Variants in ZCWPW2 observed in about 807,000 individuals in gnomAD.
ZCWPW2 encodes the protein zinc finger CW-type and PWWP domain containing 2.
Under a neutral mutation model 46.6 loss-of-function variants are expected in ZCWPW2, and 45 were observed. That is an observed-to-expected ratio of 0.96 (90% CI 0.76 to 1.24). The LOEUF is 1.24. Ranked by LOEUF, ZCWPW2 falls within the 50% of genes most tolerant of loss-of-function variation. The probability of loss-of-function intolerance (pLI) is 0.00; values close to 1 mark genes in which losing one functional copy is unlikely to be tolerated. For missense variants in ZCWPW2, 429 were observed against 403.9 expected (o/e 1.06, Z -0.53); for synonymous variants, 152 against 137.1 (o/e 1.11, Z -0.76).
intron 3 of ZCWPW2, among the ~76,000 whole-genome samples, chr3:28,422,140 C>T (rs1696817613): frequency 6.6e-6 from 1 of 152,030 alleles, no homozygotes; most frequent in Non-Finnish European, 1.5e-5. Flanking sequence ...CCCACAGCTG[C>T]CCCACCCTCA....
chr3:28,385,663 G>T (rs1695244523), intron 1 of ZCWPW2, among the ~76,000 whole-genome samples: 1 of 152,162 alleles, frequency 6.6e-6, no homozygotes, highest in African/African-American at 2.4e-5. Flanking sequence ...GACCAAAATT[G>T]ATTGCTGTAG....
intron 4 of ZCWPW2, among the ~76,000 whole-genome samples, chr3:28,460,415 A>G (rs1379749265): frequency 6.6e-6 from 1 of 152,194 alleles, no homozygotes. Context: ...AGTCAGTAAT[A>G]GTTTTTAAGC....
chr3:28,501,257 A>G (rs916602356), intron 6 of ZCWPW2, among the ~76,000 whole-genome samples: 1 of 152,190 alleles, frequency 6.6e-6, no homozygotes, highest in Non-Finnish European at 1.5e-5. Context: ...ATTGGTTAAC[A>G]TCAGGTTACT....
intron 4 of ZCWPW2, among the ~76,000 whole-genome samples, chr3:28,453,497 C>T (rs1698304941): frequency 6.6e-6 from 1 of 152,086 alleles, no homozygotes; most frequent in Admixed American, 6.6e-5. Flanking sequence ...AATGGAACAG[C>T]AATATTCTTT....
intron 4 of ZCWPW2, among the ~76,000 whole-genome samples, chr3:28,456,861 G>T (rs1251355436): frequency 2.6e-5 from 4 of 152,146 alleles, no homozygotes; most frequent in African/African-American, 9.7e-5. Context: ...TGTGCTGCTG[G>T]CTTTGGTTTG....
rs71295064 is a variant in ZCWPW2, at chr3:28,433,917, GTTT to G, written c.333-1181_333-1179del. Among the ~76,000 whole-genome samples, 6 of 140,742 alleles carry G rather than the reference GTTT, an allele frequency of 4.3e-5. No individual in the cohort carries two copies. The East Asian group carries it at 1.2e-3, about 29-fold the overall frequency. 92.3% of individuals were successfully genotyped at this position (140,742 alleles called of 152,430 possible). A position where few individuals can be genotyped will look rare whatever the true frequency, so the allele number is the denominator to read the frequency against. Reference sequence around the variant, plus strand: ...AGTTGCCTCTTCCAATTCCACCCCAGTTTTTTTTTTTTTTGACCACTTTTAAAT... The same window carrying G: ...AGTTGCCTCTTCCAATTCCACCCCAGTTTTTTTTTTTGACCACTTTTAAAT... On this transcript the variant is annotated intron_variant, in intron 3 of 9. Transcript: ENST00000383768.
At chr3:28,478,990 T>C (rs1258561297) in intron 5 of ZCWPW2, 59 bp downstream of exon 5, 28 of 1,129,966 alleles carry the variant, frequency 2.5e-5, no homozygotes, top group Non-Finnish European at 3.2e-5. Context: ...ATGCATGTTT[T>C]CCAAAATATG....
chr3:28,431,784 G>A (rs1481619046), intron 3 of ZCWPW2, among the ~76,000 whole-genome samples: 1 of 151,950 alleles, frequency 6.6e-6, no homozygotes, highest in African/African-American at 2.4e-5. Flanking sequence ...CGTGCTTGGT[G>A]CCTGTATTAG....
chr3:28,373,223 G>A (rs547886875), intron 1 of ZCWPW2, among the ~76,000 whole-genome samples: 91 of 152,198 alleles, frequency 6.0e-4, no homozygotes, highest in Middle Eastern at 3.4e-3. Flanking sequence ...TTTTTGGAGG[G>A]ACATCTATGC....
chr3:28,387,815 CA>C (rs1040991794), intron 1 of ZCWPW2, among the ~76,000 whole-genome samples: 13 of 152,064 alleles, frequency 8.5e-5, no homozygotes, highest in Admixed American at 6.6e-5. Flanking sequence ...AGAATCTAAC[CA>C]AAAACTTAGT....
chr3:28,519,674 G>A (rs1210449218), intron 8 of ZCWPW2, among the ~76,000 whole-genome samples: 1 of 152,048 alleles, frequency 6.6e-6, no homozygotes, highest in Non-Finnish European at 1.5e-5. Flanking sequence ...AATAGAAGGT[G>A]GTATATTAGA....
At chr3:28,474,160 C>A (rs1237387966) in intron 4 of ZCWPW2, among the ~76,000 whole-genome samples, 1 of 151,984 alleles carries the variant, frequency 6.6e-6, no homozygotes. Context: ...TACTATGTAC[C>A]TACAAAAATT....
In ZCWPW2 at chr3:28,447,784, T is replaced by C. The variant is rs1698054629; in HGVS notation, c.492+12515T>C. The C allele has an allele frequency of 7.8e-6, 6 of 771,432 alleles. No individual in the cohort carries two copies. The East Asian group carries it at 1.6e-4, about 21-fold the overall frequency. The allele number at this position is 771,432 out of a possible 1,614,324, so 47.8% of individuals were successfully genotyped here. ...CCTACAATACAACCACTAATAAAAC[T>C]AGGCTTTCCTGAACCCCTGGCAATA... is the stretch of plus-strand genomic sequence containing the variant. On this transcript the variant is annotated intron_variant, in intron 4 of 9. Transcript: ENST00000383768.
intron 1 of ZCWPW2, among the ~76,000 whole-genome samples, chr3:28,378,342 G>A (rs749748857): frequency 1.3e-5 from 2 of 151,754 alleles, no homozygotes; most frequent in Non-Finnish European, 2.9e-5. Context: ...ACAAAGTAGA[G>A]TGCTCTCATT....
chr3:28,350,825 A>G (rs1249717440), intron 1 of ZCWPW2, among the ~76,000 whole-genome samples: 1 of 151,902 alleles, frequency 6.6e-6, no homozygotes, highest in African/African-American at 2.4e-5. Context: ...ATAGGAAAAG[A>G]GAATGGTTAG....
rs144283829 is a variant in ZCWPW2 at position 28,425,347 on chromosome 3, G to C, written c.333-9763G>C. Among the ~76,000 whole-genome samples, 17 of 152,178 alleles carry C rather than the reference G, an allele frequency of 1.1e-4. No individual in the cohort carries two copies. The East Asian group carries it at 3.3e-3, about 29-fold the overall frequency. ...CAAATATACTTATATTGCTTATTCAGTAACACAAATATATAGAAAGATAAT... is the reference window on the plus strand; with the variant it reads ...CAAATATACTTATATTGCTTATTCACTAACACAAATATATAGAAAGATAAT... On this transcript the variant is annotated intron_variant, in intron 3 of 9. Transcript: ENST00000383768.
chr3:28,431,556 G>C (rs962721888), intron 3 of ZCWPW2, among the ~76,000 whole-genome samples: 1 of 151,966 alleles, frequency 6.6e-6, no homozygotes, highest in Non-Finnish European at 1.5e-5. Context: ...TCATTTTAAC[G>C]TCACTACCTT....
chr3:28,406,288 C>G (rs1490356066), intron 2 of ZCWPW2, among the ~76,000 whole-genome samples: 1 of 152,144 alleles, frequency 6.6e-6, no homozygotes, highest in Non-Finnish European at 1.5e-5. Flanking sequence ...AAATGACCAT[C>G]TGATAAAGAA....
At chr3:28,358,621 A>G (rs1477203421) in intron 1 of ZCWPW2, among the ~76,000 whole-genome samples, 1 of 152,160 alleles carries the variant, frequency 6.6e-6, no homozygotes, top group Admixed American at 6.5e-5. Context: ...TCTTAAATTT[A>G]TTTGGAATAT....
Sources: allele counts gnomAD v4.1 joint callset (sites outside exome capture counted in the v4.1 genomes callset), GRCh38; gene constraint gnomAD v4.1.1; transcripts MANE v1.5; gene names NCBI Gene and HGNC (gene_info 2026-07-23, HGNC 2026-07-21).